CASP5: variants seen among roughly 807,000 people sequenced by gnomAD.
CASP5 encodes caspase-5.
CASP5 carries 42 observed loss-of-function variants against 45.2 expected under a neutral mutation model. The observed-to-expected ratio is 0.93, with a 90% CI of 0.73 to 1.20. CASP5 has a LOEUF of 1.20. Among genes scored for constraint, CASP5 ranks in the 50% most tolerant of loss-of-function variants. The probability of loss-of-function intolerance (pLI) is 0.00; values close to 1 mark genes in which losing one functional copy is unlikely to be tolerated. For synonymous variants in CASP5, 209 were observed against 186.2 expected (o/e 1.12, Z -1.00); for missense variants, 512 against 532.2 (o/e 0.96, Z 0.37).
chr11:105,005,781 A>G (rs1057357175), intron 3 of CASP5, among the ~76,000 whole-genome samples: 1 of 152,126 alleles, frequency 6.6e-6, no homozygotes, highest in African/African-American at 2.4e-5. Flanking sequence ...TGCTACAAAT[A>G]TGATTCCTAT....
chr11:105,005,535 C>A (rs1313362683), intron 3 of CASP5, among the ~76,000 whole-genome samples: 1 of 152,142 alleles, frequency 6.6e-6, no homozygotes, highest in Non-Finnish European at 1.5e-5. Flanking sequence ...AATAGCCCAG[C>A]CCACCCAGCT....
At chr11:105,009,094 C>T (rs922651629) in intron 1 of CASP5, 114 bp from the exon 2 acceptor site, 4 of 862,138 alleles carry the variant, frequency 4.6e-6, no homozygotes, top group Non-Finnish European at 7.2e-6. Context: ...TCTGTCTTAC[C>T]ATGTCTTCAA....
chr11:105,017,126 G>A (rs1358776311), intron 1 of CASP5, among the ~76,000 whole-genome samples: 1 of 151,820 alleles, frequency 6.6e-6, no homozygotes, highest in Non-Finnish European at 1.5e-5. Context: ...CTAACAAACA[G>A]AAAGGACATC....
chr11:105,006,342 T>A (rs908235118), intron 3 of CASP5, among the ~76,000 whole-genome samples: 5 of 152,206 alleles, frequency 3.3e-5, no homozygotes, highest in Non-Finnish European at 7.3e-5. Context: ...TGTTTATTCA[T>A]CACACATTAA....
chr11:104,998,249 C>T (rs1266137482), intron 7 of CASP5, among the ~76,000 whole-genome samples: 1 of 152,086 alleles, frequency 6.6e-6, no homozygotes, highest in Non-Finnish European at 1.5e-5. Context: ...CATATGTCAG[C>T]TATGCCTCCA....
At chr11:105,004,710 A>G (rs1278002165) in intron 3 of CASP5, among the ~76,000 whole-genome samples, 3 of 152,180 alleles carry the variant, frequency 2.0e-5, no homozygotes, top group African/African-American at 7.2e-5. Context: ...GCTAAAGAGT[A>G]TGATAAAAGC....
intron 4 of CASP5, 43 bp downstream of exon 4, chr11:105,003,231 T>C: frequency 8.4e-7 from 1 of 1,196,926 alleles, no homozygotes; most frequent in Non-Finnish European, 1.2e-6. Context: ...ATGAAAGCAA[T>C]TGTTTCTCTC....
rs1212467384 is a variant in CASP5 at position 105,008,974 on chromosome 11, C to T, written c.14G>A (p.Ser5Asn). 1 of 1,611,596 alleles carries T rather than the reference C, an allele frequency of 6.2e-7. No homozygotes were observed. Among genetic ancestry groups the T allele is most frequent in the Non-Finnish European group, 8.5e-7 (1 of 1,178,898 alleles). Residue 5 changes from serine (S) to asparagine (N), a missense_variant, in exon 2 of 10, where the codon AGT (serine) becomes AAT (asparagine). Coordinates refer to ENST00000260315, the MANE Select transcript of CASP5 (RefSeq NM_004347.5). MAED[S>N]GKKKRRKNFE... is the part of the protein sequence containing the mutation. ...ATTCTTACGCCTTTTTTTTTTGCCA[C>T]TGTCTTCTATCAGAAATATAAAGAC...
intron 4 of CASP5, 79 bp downstream of exon 4, chr11:105,003,195 A>AT: frequency 1.1e-6 from 1 of 920,812 alleles, no homozygotes; most frequent in Non-Finnish European, 1.8e-6. Context: ...GCAAGACCCC[A>AT]TTTTTAAAAA....
At chr11:105,000,612 A>T in intron 5 of CASP5, 117 bp from the exon 6 acceptor site, 2 of 894,020 alleles carry the variant, frequency 2.2e-6, no homozygotes, top group Non-Finnish European at 3.4e-6. Context: ...GGTGCTTCAC[A>T]TAGCGCTTAC....
intron 1 of CASP5, among the ~76,000 whole-genome samples, chr11:105,009,343 G>T (rs998262942): frequency 1.2e-4 from 18 of 151,746 alleles, no homozygotes; most frequent in Admixed American, 7.9e-4. Flanking sequence ...CCATTCTCTT[G>T]TCTAGACTGT....
intron 1 of CASP5, among the ~76,000 whole-genome samples, chr11:105,009,786 T>TATATATATATATATATACAC (rs1313739061): frequency 2.1e-5 from 2 of 94,894 alleles, no homozygotes; most frequent in African/African-American, 3.8e-5. Context: ...TATATATATA[T>TATATATATATATATATACAC]ACACACGTAT....
At chr11:105,011,594 G>A (rs1862347000) in intron 1 of CASP5, among the ~76,000 whole-genome samples, 1 of 151,542 alleles carries the variant, frequency 6.6e-6, no homozygotes, top group South Asian at 2.1e-4. Flanking sequence ...ATACACAAAT[G>A]CAGTAAAGTT....
intron 1 of CASP5, among the ~76,000 whole-genome samples, chr11:105,013,772 G>A (rs1040641770): frequency 6.6e-6 from 1 of 151,960 alleles, no homozygotes; most frequent in African/African-American, 2.4e-5. Context: ...AAATTGAACT[G>A]CTAATTTTCT....
intron 1 of CASP5, among the ~76,000 whole-genome samples, chr11:105,015,094 C>T (rs1016325651): frequency 9.9e-5 from 15 of 152,152 alleles, no homozygotes; most frequent in South Asian, 6.2e-4. Context: ...CTGAAGTGGG[C>T]GTGATGAGAT....
In CASP5 at chr11:105,008,892, G is replaced by A. The variant is rs1259329186; in HGVS notation, c.96C>T (p.Asn32=). 1 of 1,612,964 alleles carries A rather than the reference G, an allele frequency of 6.2e-7. No homozygotes were observed. The highest frequency in any genetic ancestry group is 1.1e-5 in the South Asian group (1 of 91,048). ...LQSGLDNFVI[N]HMLKNNVAGQ... is the part of the protein sequence containing the mutation. ...CAGCCACGTTGTTCTTTAGCATGTGGTTTATCACGAAGTTATCCAATCCAC... is the reference window on the plus strand; with the variant it reads ...CAGCCACGTTGTTCTTTAGCATGTGATTTATCACGAAGTTATCCAATCCAC... Residue 32 remains asparagine (N), a synonymous_variant, in exon 2 of 10, where the codon AAC becomes AAT. Coordinates refer to ENST00000260315, the MANE Select transcript of CASP5 (RefSeq NM_004347.5).
At chr11:105,020,231 C>T (rs577908814) in intron 1 of CASP5, among the ~76,000 whole-genome samples, 1 of 149,708 alleles carries the variant, frequency 6.7e-6, no homozygotes, top group South Asian at 2.1e-4. Context: ...GAAGCATTCC[C>T]TTTGAAAACT....
At chr11:105,006,400 T>C (rs1392332003) in intron 3 of CASP5, among the ~76,000 whole-genome samples, 1 of 152,206 alleles carries the variant, frequency 6.6e-6, no homozygotes, top group Admixed American at 6.5e-5. Context: ...CTCTTATTAA[T>C]TGGTGAAGAA....
intron 1 of CASP5, among the ~76,000 whole-genome samples, chr11:105,015,841 A>C (rs1862562478): frequency 6.6e-6 from 1 of 152,248 alleles, no homozygotes; most frequent in Non-Finnish European, 1.5e-5. Flanking sequence ...CCTTGGAGAT[A>C]ATTAAGCTAG....
Sources: gnomAD v4.1 joint callset for allele counts (sites outside exome capture counted in the v4.1 genomes callset) on GRCh38, gnomAD v4.1.1 for gene constraint, MANE v1.5 for transcripts, NCBI Gene and HGNC (gene_info 2026-07-23, HGNC 2026-07-21) for gene names.